ROBO2: variants seen among roughly 807,000 people sequenced by gnomAD.
The protein encoded by ROBO2 is roundabout guidance receptor 2.
In ROBO2, 53 loss-of-function variants were observed where a neutral mutation model predicts 160.8. The ratio of observed to expected loss-of-function variants is 0.33; its 90% confidence interval spans 0.26 to 0.41. The LOEUF is 0.41. ROBO2 is among the 10% of genes least tolerant of loss of function. The pLI is 1.00. For missense variants in ROBO2, 1,577 were observed against 1,722.4 expected (o/e 0.92, Z 1.49); for synonymous variants, 664 against 611.7 (o/e 1.09, Z -1.26).
At chr3:76,513,348 T>G (rs1252451256) in intron 2 of ROBO2, among the ~76,000 whole-genome samples, 1 of 145,226 alleles carries the variant, frequency 6.9e-6, no homozygotes. Flanking sequence ...TTTATTTATC[T>G]ATTTATTTAT....
At chr3:76,161,144 A>C (rs1242830159) in intron 2 of ROBO2, among the ~76,000 whole-genome samples, 1 of 151,892 alleles carries the variant, frequency 6.6e-6, no homozygotes, top group East Asian at 1.9e-4. Context: ...TACTAAAGTT[A>C]CTCCTCATCC....
intron 24 of ROBO2, among the ~76,000 whole-genome samples, chr3:77,643,519 CTGGAAA>C (rs1367357159): frequency 1.3e-5 from 2 of 152,032 alleles, no homozygotes; most frequent in Admixed American, 6.5e-5. Context: ...ATCAAGCTTC[CTGGAAA>C]TGTCACAGAA....
At chr3:76,541,756 G>T (rs1219868185) in intron 2 of ROBO2, among the ~76,000 whole-genome samples, 1 of 152,184 alleles carries the variant, frequency 6.6e-6, no homozygotes, top group Non-Finnish European at 1.5e-5. Context: ...GAAACTAGGG[G>T]TTCTACCTCT....
At chr3:77,615,937 G>A (rs1042055299) in intron 21 of ROBO2, among the ~76,000 whole-genome samples, 1 of 152,146 alleles carries the variant, frequency 6.6e-6, no homozygotes, top group Non-Finnish European at 1.5e-5. Context: ...GTACATTTCT[G>A]ATATTTACTC....
At chr3:77,164,915 C>T (rs1326698589) in intron 2 of ROBO2, among the ~76,000 whole-genome samples, 1 of 109,770 alleles carries the variant, frequency 9.1e-6, no homozygotes, top group Non-Finnish European at 2.2e-5. Flanking sequence ...CCCGGCCAGC[C>T]GCCCCGTCCG....
chr3:76,024,937 G>GTATATA (rs111727329), intron 2 of ROBO2, among the ~76,000 whole-genome samples: 1 of 147,698 alleles, frequency 6.8e-6, no homozygotes, highest in African/African-American at 2.5e-5. Flanking sequence ...GTGTGTGTGC[G>GTATATA]TATATATATA....
chr3:77,612,753 T>C (rs1308446381), intron 21 of ROBO2, among the ~76,000 whole-genome samples: 2 of 152,116 alleles, frequency 1.3e-5, no homozygotes, highest in Admixed American at 1.3e-4. Context: ...GTGACCATCC[T>C]GGCTAACATG....
intron 2 of ROBO2, among the ~76,000 whole-genome samples, chr3:76,383,720 GA>G (rs539141835): frequency 2.0e-5 from 3 of 147,642 alleles, no homozygotes; most frequent in African/African-American, 5.0e-5. Context: ...CAGTCATAAT[GA>G]AAAAAAAACA....
At chr3:76,144,136 G>A (rs1257328848) in intron 2 of ROBO2, among the ~76,000 whole-genome samples, 1 of 151,894 alleles carries the variant, frequency 6.6e-6, no homozygotes, top group Non-Finnish European at 1.5e-5. Context: ...CAGCTAATTT[G>A]ACACATAAAA....
chr3:76,959,045 A>G (rs1351662874), intron 2 of ROBO2, among the ~76,000 whole-genome samples: 1 of 152,176 alleles, frequency 6.6e-6, no homozygotes, highest in African/African-American at 2.4e-5. Flanking sequence ...AACTGTTAGA[A>G]CACAACATTT....
intron 2 of ROBO2, among the ~76,000 whole-genome samples, chr3:76,395,723 A>G (rs1336708683): frequency 6.6e-6 from 1 of 152,218 alleles, no homozygotes; most frequent in Non-Finnish European, 1.5e-5. Flanking sequence ...AAAATCTAGA[A>G]GAAACAGATG....
chr3:77,466,125 A>T (rs906367698), intron 2 of ROBO2, among the ~76,000 whole-genome samples: 21 of 152,170 alleles, frequency 1.4e-4, no homozygotes, highest in African/African-American at 4.8e-4. Flanking sequence ...AGCTATTTTT[A>T]ATCAGTGAAT....
chr3:77,341,835 TA>T (rs143406066), intron 2 of ROBO2, among the ~76,000 whole-genome samples: 6,888 of 149,034 alleles, frequency 0.046, 400 homozygotes, highest in African/African-American at 0.14. Context: ...ATATTCTAAT[TA>T]AAAAAAAAAC....
intron 2 of ROBO2, among the ~76,000 whole-genome samples, chr3:76,926,098 A>T (rs2076974180): frequency 6.6e-6 from 1 of 152,164 alleles, no homozygotes. Flanking sequence ...TTCTTGATTG[A>T]TGCAAACTTC....
intron 2 of ROBO2, among the ~76,000 whole-genome samples, chr3:77,188,897 T>A (rs2081532248): frequency 6.6e-6 from 1 of 151,698 alleles, no homozygotes; most frequent in South Asian, 2.1e-4. Flanking sequence ...TGATAACATT[T>A]CTAGTTCAAG....
chr3:77,348,045 C>A (rs919066078), intron 2 of ROBO2, among the ~76,000 whole-genome samples: 8 of 152,080 alleles, frequency 5.3e-5, no homozygotes, highest in African/African-American at 1.9e-4. Context: ...ATTTTATACA[C>A]CTTTTTTTCC....
Position 77,648,514 on chromosome 3 carries a change from T to C in ROBO2, c.*2459T>C, listed in dbSNP as rs73845746. The C allele has an allele frequency of 4.0e-3, 610 of 152,332 alleles. 6 individuals are homozygous for C. The highest frequency in any genetic ancestry group is 0.014 in the African/African-American group (583 of 41,572). 9.4% of individuals were successfully genotyped at this position (152,332 alleles called of 1,614,324 possible). A position where few individuals can be genotyped will look rare whatever the true frequency, so the allele number is the denominator to read the frequency against. ...AATTATGTCAGTGCAGAGCTTGTGG[T>C]TACTTGGAATGTTCTTTCAGAATAG... On this transcript the variant is annotated 3_prime_UTR_variant, in exon 26 of 26. Transcript: ENST00000461745.
At position 76,533,273 on chromosome 3, in the gene ROBO2, G is replaced by C. The variant is rs143909330; in HGVS notation, c.110-564741G>C. On this transcript the variant is annotated intron_variant, in intron 2 of 26. Coordinates refer to the ROBO2 transcript ENST00000487694. ...CCTGTCAGGCATTGCGAATCCAAAAGGGGGTTTTGTTTTTCTTCCTTTTTA... is the reference window on the plus strand; with the variant it reads ...CCTGTCAGGCATTGCGAATCCAAAACGGGGTTTTGTTTTTCTTCCTTTTTA... Among the ~76,000 whole-genome samples the C allele has an allele frequency of 2.0e-3, 301 of 152,334 alleles. 1 individual carries two copies. The highest frequency in any genetic ancestry group is 6.5e-3 in the African/African-American group (272 of 41,580).
chr3:77,346,598 G>A (rs1194014694), intron 2 of ROBO2, among the ~76,000 whole-genome samples: 1 of 152,024 alleles, frequency 6.6e-6, no homozygotes, highest in Non-Finnish European at 1.5e-5. Context: ...TCACATTCCC[G>A]GAATCAAGGT....
Sources: allele counts gnomAD v4.1 joint callset (sites outside exome capture counted in the v4.1 genomes callset), GRCh38; gene constraint gnomAD v4.1.1; transcripts MANE v1.5; gene names NCBI Gene and HGNC (gene_info 2026-07-23, HGNC 2026-07-21).